The following CSGALNACT2 variants were observed in gnomAD, a reference collection of about 807,000 sequenced individuals.
CSGALNACT2 encodes the protein beta 4 GalNAcT-2.
CSGALNACT2 carries 35 observed loss-of-function variants against 55.3 expected under a neutral mutation model. That is an observed-to-expected ratio of 0.63 (90% confidence interval 0.48 to 0.84). The LOEUF (loss-of-function observed/expected upper bound fraction) is 0.84. Ranked by LOEUF, CSGALNACT2 falls within the 40% of genes least tolerant of loss-of-function variation. The pLI, the probability that CSGALNACT2 is intolerant of heterozygous loss-of-function variation, is 0.00. For synonymous variants in CSGALNACT2, 196 were observed against 224.9 expected, an observed-to-expected ratio of 0.87 and a Z score of 1.15; for missense variants, 544 against 657.5, an observed-to-expected ratio of 0.83 and a Z score of 1.89.
chr10:43,178,755 A>G (rs757224280), intron 7 of CSGALNACT2, among the ~76,000 whole-genome samples: 8 of 150,594 alleles, frequency 5.3e-5, no homozygotes, highest in Non-Finnish European at 1.0e-4. Flanking sequence ...GGTTGATTCT[A>G]TGGGATGTGG....
chr10:43,147,855 G>T (rs1838794339), intron 1 of CSGALNACT2, among the ~76,000 whole-genome samples: 1 of 149,822 alleles, frequency 6.7e-6, no homozygotes, highest in Non-Finnish European at 1.5e-5. Flanking sequence ...AATTGTATGG[G>T]TTATTTCTTC....
chr10:43,160,617 T>C (rs1159892234), intron 4 of CSGALNACT2, 22 bp downstream of exon 4: 1 of 975,986 alleles, frequency 1.0e-6, no homozygotes, highest in Non-Finnish European at 1.7e-6. Context: ...ACATCTGCAG[T>C]GAAGGCCTTG....
intron 1 of CSGALNACT2, among the ~76,000 whole-genome samples, chr10:43,148,527 GTCTT>G (rs947233546): frequency 1.3e-5 from 2 of 152,164 alleles, no homozygotes; most frequent in African/African-American, 2.4e-5. Context: ...TGAGTGTGGT[GTCTT>G]TCTGTTTATT....
intron 1 of CSGALNACT2, among the ~76,000 whole-genome samples, chr10:43,146,861 C>A (rs1488084779): frequency 6.6e-6 from 1 of 151,372 alleles, no homozygotes. Flanking sequence ...TTGGTATGGT[C>A]ATTCTTTTTA....
chr10:43,170,255 A>G (rs971147466), intron 6 of CSGALNACT2, among the ~76,000 whole-genome samples: 3 of 152,228 alleles, frequency 2.0e-5, no homozygotes, highest in Non-Finnish European at 4.4e-5. Flanking sequence ...CCTAACAGTA[A>G]CAAGTACACT....
rs1041591186 is a variant in CSGALNACT2 at position 43,184,107 on chromosome 10, A to C, written c.*565A>C. The stretch of plus-strand genomic sequence containing the variant: ...AGAAAGGTAGAACTAAAAACTCCTT[A>C]ACTTACTGTTGCTTACACCCCTGAA... On this transcript the variant is annotated 3_prime_UTR_variant, in exon 8 of 8. Transcript: ENST00000374466. The C allele has an allele frequency of 2.0e-5, 3 of 153,576 alleles. No individual in the cohort carries two copies. The highest frequency in any genetic ancestry group is 7.2e-5 in the African/African-American group (3 of 41,466). The allele number at this position is 153,576 out of a possible 1,614,324, so 9.5% of individuals were successfully genotyped here. A position where few individuals can be genotyped will look rare whatever the true frequency, so the allele number is the denominator to read the frequency against.
chr10:43,170,551 A>G (rs12266774), intron 6 of CSGALNACT2, among the ~76,000 whole-genome samples: 2,858 of 152,342 alleles, frequency 0.019, 90 homozygotes, highest in African/African-American at 0.065. Context: ...GTAAATAGCC[A>G]TGAGTCTATA....
chr10:43,176,608 C>CAGGCTGAAGAGCAG (rs1839485527), intron 7 of CSGALNACT2, among the ~76,000 whole-genome samples: 1 of 152,218 alleles, frequency 6.6e-6, no homozygotes, highest in Non-Finnish European at 1.5e-5. Context: ...CTCTGTTGTC[C>CAGGCTGAAGAGCAG]AGGCTGAAGA....
At position 43,155,718 on chromosome 10, in the gene CSGALNACT2, T is replaced by A. The variant is rs1333064357; in HGVS notation, c.569T>A (p.Val190Asp). ...LVEVIEAGLEVINNPDEDDEQ... is the reference protein window; with the variant it reads ...LVEVIEAGLEDINNPDEDDEQ... ...GAAGTTATTGAAGCGGGCTTGGAGG[T>A]CATTAATAATCCTGATGAAGATGAT... Residue 190 changes from valine (V) to aspartate (D), a missense_variant, in exon 2 of 8, where the codon GTC (valine) becomes GAC (aspartate). Val to Asp is a radical substitution (Grantham distance 152, BLOSUM62 -3). Around this residue, in one of 2 missense-constraint regions of CSGALNACT2, gnomAD observed 374 missense variants for 401.3 expected, o/e 0.93. Transcript: ENST00000374466. The A allele has an allele frequency of 5.0e-6, 8 of 1,613,754 alleles. No individual in the cohort carries two copies. Among genetic ancestry groups the A allele is most frequent in the Non-Finnish European group, 6.8e-6 (8 of 1,179,926 alleles).
intron 1 of CSGALNACT2, among the ~76,000 whole-genome samples, chr10:43,142,977 G>T (rs1449830121): frequency 6.6e-6 from 1 of 152,150 alleles, no homozygotes; most frequent in Non-Finnish European, 1.5e-5. Context: ...CAGTTACTGA[G>T]CACTTATGCT....
intron 7 of CSGALNACT2, among the ~76,000 whole-genome samples, chr10:43,179,853 C>G (rs1839556445): frequency 1.3e-5 from 2 of 152,226 alleles, no homozygotes; most frequent in South Asian, 4.1e-4. Flanking sequence ...CTACCAAAAT[C>G]TCCATTATTT....
intron 1 of CSGALNACT2, among the ~76,000 whole-genome samples, chr10:43,138,827 C>T (rs1163832526): frequency 6.6e-6 from 1 of 152,212 alleles, no homozygotes; most frequent in Admixed American, 6.5e-5. Context: ...CTATTCATCA[C>T]CATCTCTGCT....
chr10:43,141,008 G>T (rs1305597238), intron 1 of CSGALNACT2, among the ~76,000 whole-genome samples: 1 of 152,160 alleles, frequency 6.6e-6, no homozygotes, highest in African/African-American at 2.4e-5. Flanking sequence ...CTTCAAATTT[G>T]TTAAGGTATT....
chr10:43,157,476 T>C (rs887471399), intron 2 of CSGALNACT2, among the ~76,000 whole-genome samples: 3 of 152,220 alleles, frequency 2.0e-5, no homozygotes, highest in Non-Finnish European at 2.9e-5. Context: ...AGCTCAGATA[T>C]CACTTCTTCT....
chr10:43,183,194 C>A, intron 7 of CSGALNACT2, 56 bp from the exon 8 acceptor site: 1 of 1,309,878 alleles, frequency 7.6e-7, no homozygotes, highest in South Asian at 1.2e-5. Context: ...TATATATATC[C>A]CTGTGCTCTG....
intron 6 of CSGALNACT2, 64 bp downstream of exon 6, chr10:43,167,162 A>G: frequency 9.6e-7 from 1 of 1,046,116 alleles, no homozygotes; most frequent in Admixed American, 2.1e-5. Context: ...TTTGTTGTGT[A>G]AGTAGAAAAC....
intron 7 of CSGALNACT2, among the ~76,000 whole-genome samples, chr10:43,183,036 T>C (rs572416196): frequency 1.3e-5 from 2 of 152,286 alleles, no homozygotes; most frequent in South Asian, 4.2e-4. Context: ...TTTGATACTG[T>C]CAACAACCAA....
At chr10:43,181,119 TG>T (rs1327845447) in intron 7 of CSGALNACT2, among the ~76,000 whole-genome samples, 1 of 152,234 alleles carries the variant, frequency 6.6e-6, no homozygotes, top group Non-Finnish European at 1.5e-5. Flanking sequence ...CACATGAGTA[TG>T]GGGGTCCCAA....
chr10:43,163,396 A>G (rs1477709112), intron 4 of CSGALNACT2: 1 of 613,470 alleles, frequency 1.6e-6, no homozygotes, highest in Non-Finnish European at 2.0e-6. Context: ...CAGCTGAGGA[A>G]GAGGATGGAG....
Sources: gnomAD v4.1 joint callset for allele counts (sites outside exome capture counted in the v4.1 genomes callset) on GRCh38, gnomAD v4.1.1 for gene constraint, gnomAD v4.1.1 regional missense constraint, MANE v1.5 for transcripts, NCBI Gene and HGNC (gene_info 2026-07-23, HGNC 2026-07-21) for gene names.